The following CTC1 variants were observed in gnomAD, a reference collection of about 807,000 sequenced individuals.
CTC1 encodes CST complex subunit CTC1.
In CTC1, 91 loss-of-function variants were observed where a neutral mutation model predicts 136.3. The ratio of observed to expected loss-of-function variants is 0.67; its 90% CI spans 0.56 to 0.79. CTC1 has a LOEUF of 0.79. Among genes scored for constraint, CTC1 ranks in the 30% least tolerant of loss-of-function variants. CTC1 has a pLI of 0.00. For missense variants in CTC1, 1,432 were observed against 1,498.1 expected (o/e 0.96, Z 0.73); for synonymous variants, 606 against 613.8 (o/e 0.99, Z 0.19).
Position 8,234,752 on chromosome 17 carries a change from C to T in CTC1, c.1614G>A (p.Gln538=). ...TCCTTCCCCCACATCCTCATACTTT[C>T]TGGAGGGGACAGTGATGTGGCTCTT... ...ILEEPHHCPL[Q]KYTRLQTPSS... The change falls in exon 9 of 23, where the codon CAG becomes CAA. Residue 538 remains glutamine, a synonymous_variant. Transcript: ENST00000651323. 6.3e-7 allele frequency: 1 copy of T among 1,589,220 alleles called. No individual in the cohort carries two copies. The highest frequency in any genetic ancestry group is 8.6e-7 in the Non-Finnish European group (1 of 1,166,454).
At chr17:8,247,129 T>C (rs1988798315) in intron 1 of CTC1, among the ~76,000 whole-genome samples, 1 of 151,422 alleles carries the variant, frequency 6.6e-6, no homozygotes, top group African/African-American at 2.4e-5. Context: ...ATTACCGGCG[T>C]GTGCCACCAC....
chr17:8,247,909 C>T, intron 1 of CTC1, 95 bp downstream of exon 1: 2 of 1,345,914 alleles, frequency 1.5e-6, no homozygotes, highest in South Asian at 1.2e-5. Context: ...ACGCGGCCAG[C>T]GAGCCCAGAG....
intron 1 of CTC1, among the ~76,000 whole-genome samples, chr17:8,245,398 T>C (rs547322893): frequency 1.3e-5 from 2 of 152,308 alleles, no homozygotes; most frequent in African/African-American, 4.8e-5. Context: ...CACTCATTCA[T>C]GGTCAGAGTT....
Position 8,233,036 on chromosome 17 carries a change from CAAG to C in CTC1, c.1819-7_1819-5del. ...CCACCAGAACCCCAAGTAAAACCTG[CAAG>C]AAGATGAAGGTTGAGTTATCAAATG... is the stretch of plus-strand genomic sequence containing the variant. On this transcript the variant is annotated splice_region_variant and splice_polypyrimidine_tract_variant and intron_variant, in intron 10 of 22. Transcript: ENST00000651323. 1.2e-6 allele frequency: 2 copies of C among 1,613,414 alleles called. No individual in the cohort carries two copies. Among genetic ancestry groups the C allele is most frequent in the Non-Finnish European group, 1.7e-6 (2 of 1,179,564 alleles).
chr17:8,242,582 A>C (rs1268786546), intron 2 of CTC1, among the ~76,000 whole-genome samples: 2 of 145,672 alleles, frequency 1.4e-5, no homozygotes, highest in East Asian at 3.9e-4. Flanking sequence ...ATATATATAC[A>C]CATATATATA....
At chr17:8,235,428 C>T in intron 7 of CTC1, 143 bp from the exon 8 acceptor site, 1 of 643,306 alleles carries the variant, frequency 1.6e-6, no homozygotes, top group Non-Finnish European at 2.7e-6. Context: ...CCTCACTTTC[C>T]ATTACAACCC....
At chr17:8,244,228 A>G (rs1285854320) in intron 1 of CTC1, among the ~76,000 whole-genome samples, 1 of 152,214 alleles carries the variant, frequency 6.6e-6, no homozygotes, top group Non-Finnish European at 1.5e-5. Context: ...AATATATGCA[A>G]GATACAACCT....
rs1288732541 is a variant in CTC1 at position 8,226,263 on chromosome 17, C to CA, written c.*1916_*1917insT. On this transcript the variant is annotated 3_prime_UTR_variant, in exon 23 of 23. Transcript: ENST00000651323. ...CACCGCTGGGATTCGAACCCAGGAT[C>CA]TCCTGTTTACTAGACAGGCGCTTTA... The CA allele has an allele frequency of 6.6e-6, 1 of 152,308 alleles. No individual in the cohort carries two copies. The highest frequency in any genetic ancestry group is 1.5e-5 in the Non-Finnish European group (1 of 68,038). The allele number at this position is 152,308 out of a possible 1,614,324, so 9.4% of individuals were successfully genotyped here. A position where few individuals can be genotyped will look rare whatever the true frequency, so the allele number is the denominator to read the frequency against.
intron 1 of CTC1, among the ~76,000 whole-genome samples, chr17:8,243,960 C>T (rs1567622642): frequency 6.6e-6 from 1 of 151,990 alleles, no homozygotes; most frequent in East Asian, 1.9e-4. Flanking sequence ...TCCAGCTACT[C>T]GGGAGGCTGA....
At chr17:8,242,292 CAA>C (rs971565411) in intron 2 of CTC1, among the ~76,000 whole-genome samples, 1 of 151,840 alleles carries the variant, frequency 6.6e-6, no homozygotes, top group Non-Finnish European at 1.5e-5. Flanking sequence ...CTTAGCCTCC[CAA>C]AGTGTTGGGA....
At chr17:8,228,940 C>A in intron 20 of CTC1, 48 bp from the exon 21 acceptor site, 1 of 1,571,900 alleles carries the variant, frequency 6.4e-7, no homozygotes, top group Non-Finnish European at 8.6e-7. Context: ...ACCCAGGTTG[C>A]CAACACCCTG....
rs1986630483 is a variant in CTC1 at position 8,226,218 on chromosome 17, CTG to C, written c.*1960_*1961del. The C allele has an allele frequency of 6.6e-6, 1 of 152,216 alleles. No individual in the cohort carries two copies. 9.4% of individuals were successfully genotyped at this position (152,216 alleles called of 1,614,324 possible). On this transcript the variant is annotated 3_prime_UTR_variant, in exon 23 of 23. Transcript: ENST00000651323. ...ATGTGGATTTAGCCGCAAAATCACG[CTG>C]TTTCAATTGAATAAAGGCACCGCTG...
chr17:8,245,564 C>T (rs921888572), intron 1 of CTC1, among the ~76,000 whole-genome samples: 3 of 152,112 alleles, frequency 2.0e-5, no homozygotes, highest in African/African-American at 7.2e-5. Flanking sequence ...ACGACTGTCT[C>T]TCAAAGTGAT....
chr17:8,227,893 C>T lies in CTC1; in HGVS notation c.*287G>A, dbSNP rs1221817285. On this transcript the variant is annotated 3_prime_UTR_variant, in exon 23 of 23. Transcript: ENST00000651323. ...CCCACAGCGAGCAAGTCTTTTGTTCCCTCAGCTCCTGCGACAAAGTCAGAA... is the reference window on the plus strand; with the variant it reads ...CCCACAGCGAGCAAGTCTTTTGTTCTCTCAGCTCCTGCGACAAAGTCAGAA... The T allele has an allele frequency of 6.0e-6, 2 of 332,102 alleles. No homozygotes were observed. The highest frequency in any genetic ancestry group is 4.2e-5 in the South Asian group (1 of 23,814). The allele number at this position is 332,102 out of a possible 1,614,324, so 20.6% of individuals were successfully genotyped here.
chr17:8,244,776 C>T lies in CTC1; in HGVS notation c.34-1628G>A, dbSNP rs189300130. 4.6e-5 allele frequency among the ~76,000 whole-genome samples: 7 copies of T among 152,294 alleles called. No individual in the cohort carries two copies. The East Asian group carries it at 1.3e-3, about 29-fold the overall frequency. On this transcript the variant is annotated intron_variant, in intron 1 of 22. Coordinates refer to ENST00000651323, the MANE Select transcript of CTC1 (RefSeq NM_025099.6). Reference sequence around the variant, plus strand: ...TCCTGAACTCAAGTGATCCGCCCGCCTCAGCCTCCCAAAGTGCCAGGATTA... The same window carrying T: ...TCCTGAACTCAAGTGATCCGCCCGCTTCAGCCTCCCAAAGTGCCAGGATTA...
At chr17:8,233,894 G>A (rs919636459) in intron 10 of CTC1, among the ~76,000 whole-genome samples, 19 of 152,312 alleles carry the variant, frequency 1.2e-4, no homozygotes, top group African/African-American at 3.8e-4. Context: ...CCATGATCGC[G>A]CCAATGCACT....
intron 7 of CTC1, 61 bp from the exon 8 acceptor site, chr17:8,235,346 G>A: frequency 7.5e-7 from 1 of 1,338,710 alleles, no homozygotes; most frequent in Non-Finnish European, 1.1e-6. Flanking sequence ...ATGAACCCAG[G>A]CAGAGTTAAC....
chr17:8,228,852 A>G lies in CTC1; in HGVS notation c.3262T>C (p.Cys1088Arg), dbSNP rs1241718611. ...EDGTAEAVVT[C>R]RNHHVAAALG... is the part of the protein sequence containing the mutation. ...GCTGCTGCCACATGGTGATTCCTAC[A>G]GGTCACCACGGCTTCGGCAGTCCCA... The change falls in exon 21 of 23, where the codon TGT becomes CGT. Residue 1088 changes from cysteine (C) to arginine (R), a missense_variant. Physicochemically the swap from Cys to Arg is radical, Grantham distance 180. Coordinates refer to ENST00000651323, the MANE Select transcript of CTC1 (RefSeq NM_025099.6). 1 of 1,613,944 alleles carries G rather than the reference A, an allele frequency of 6.2e-7. No individual in the cohort carries two copies. Among genetic ancestry groups the G allele is most frequent in the Non-Finnish European group, 8.5e-7 (1 of 1,179,912 alleles).
intron 12 of CTC1, 63 bp from the exon 13 acceptor site, chr17:8,232,290 G>A (rs1176149253): frequency 1.9e-6 from 3 of 1,561,528 alleles, no homozygotes; most frequent in Non-Finnish European, 2.6e-6. Flanking sequence ...TTGGTCCCCA[G>A]CATCCCACTC....
Sources: allele counts gnomAD v4.1 joint callset (sites outside exome capture counted in the v4.1 genomes callset), GRCh38; gene constraint gnomAD v4.1.1; transcripts MANE v1.5; gene names NCBI Gene and HGNC (gene_info 2026-07-23, HGNC 2026-07-21).